The following IL1RAPL2 variants were observed in gnomAD, a reference collection of about 807,000 sequenced individuals.
The protein encoded by IL1RAPL2 is interleukin 1 receptor accessory protein like 2.
IL1RAPL2 carries 3 observed loss-of-function variants against 44.1 expected under a neutral mutation model. That is an observed-to-expected ratio of 0.07 (90% CI 0.03 to 0.18). The LOEUF (loss-of-function observed/expected upper bound fraction) is 0.18. Ranked by LOEUF, IL1RAPL2 falls within the 10% of genes least tolerant of loss-of-function variation. The pLI, the probability that IL1RAPL2 is intolerant of heterozygous loss-of-function variation, is 1.00. For missense variants in IL1RAPL2, 391 were observed against 496.4 expected (o/e 0.79, Z 2.02); for synonymous variants, 181 against 178.8 (o/e 1.01, Z -0.10).
chrX:105,229,788 TTTTG>T (rs782742727), intron 3 of IL1RAPL2, among the ~76,000 whole-genome samples: 5 of 110,892 alleles, frequency 4.5e-5, no homozygotes, highest in Non-Finnish European at 9.5e-5. Context: ...GAAGTAAATT[TTTTG>T]TTTGTTTGTT....
intron 5 of IL1RAPL2, among the ~76,000 whole-genome samples, chrX:105,285,773 A>G (rs2034566530): frequency 8.9e-6 from 1 of 112,129 alleles, no homozygotes; most frequent in Non-Finnish European, 1.9e-5. Flanking sequence ...TTTAATTGAA[A>G]TATTTAAGTC....
chrX:105,670,105 G>GCATATATATATATA (rs1255183400), intron 6 of IL1RAPL2, among the ~76,000 whole-genome samples: 2 of 11,684 alleles, frequency 1.7e-4, no homozygotes, highest in African/African-American at 2.3e-4. Context: ...TGGGTTTCCT[G>GCATATATATATATA]TATATATATA....
chrX:105,179,345 C>A (rs1237165864), intron 2 of IL1RAPL2, among the ~76,000 whole-genome samples: 1 of 111,956 alleles, frequency 8.9e-6, no homozygotes, highest in Non-Finnish European at 1.9e-5. Flanking sequence ...TTCCATTGGT[C>A]TGTGTGTCTA....
chrX:105,299,137 A>T (rs777994827), intron 5 of IL1RAPL2, among the ~76,000 whole-genome samples: 1 of 111,978 alleles, frequency 8.9e-6, no homozygotes, highest in South Asian at 3.8e-4. Context: ...AGATCTCTAA[A>T]AATATGTTAG....
rs183510571 is a variant in IL1RAPL2, at chrX:104,662,137, G to T, written c.82+3142G>T. On this transcript the variant is annotated intron_variant, in intron 2 of 10. Coordinates refer to ENST00000372582, the MANE Select transcript of IL1RAPL2 (RefSeq NM_017416.2). ...AGTTAGGTTTTTGGTTTTGGAGGTT[G>T]GTTTGTTTGTTTTAATCTACTCTGG... 2.7e-5 allele frequency among the ~76,000 whole-genome samples: 3 copies of T among 111,845 alleles called. No individual in the cohort carries two copies. In the Admixed American group the frequency reaches 2.9e-4, roughly 11 times the overall value.
chrX:105,437,413 A>C (rs1192143802), intron 5 of IL1RAPL2, among the ~76,000 whole-genome samples: 1 of 111,167 alleles, frequency 9.0e-6, no homozygotes, highest in African/African-American at 3.3e-5. Flanking sequence ...AGAGTTTCAA[A>C]ATAAATTGGA....
chrX:105,194,065 C>G (rs1162447142), intron 2 of IL1RAPL2, among the ~76,000 whole-genome samples: 1 of 111,698 alleles, frequency 9.0e-6, no homozygotes, highest in African/African-American at 3.3e-5. Flanking sequence ...AAAAGTATAC[C>G]TGTGCAAATA....
rs781792619 is a variant in IL1RAPL2 at position 105,195,452 on chromosome X, T to A, written c.83-23T>A. 16 of 1,204,335 alleles carry A rather than the reference T, an allele frequency of 1.3e-5. No homozygotes were observed. In the East Asian group the frequency reaches 4.7e-4, roughly 36 times the overall value. ...TGTCAACAATGCTCACTGTATCTTATACCTCTTCTGATTTTCTTTCAGTGG... is the reference window on the plus strand; with the variant it reads ...TGTCAACAATGCTCACTGTATCTTAAACCTCTTCTGATTTTCTTTCAGTGG... On this transcript the variant is annotated intron_variant, in intron 2 of 10. Transcript: ENST00000372582.
intron 5 of IL1RAPL2, among the ~76,000 whole-genome samples, chrX:105,296,565 A>G (rs1301689277): frequency 8.9e-6 from 1 of 112,534 alleles, no homozygotes; most frequent in Admixed American, 9.4e-5. Flanking sequence ...TTCATGACAC[A>G]GTTCTGTCTT....
At chrX:105,406,676 G>A in intron 5 of IL1RAPL2, 1 of 1,139,389 alleles carries the variant, frequency 8.8e-7, no homozygotes, top group South Asian at 1.8e-5. Flanking sequence ...CTGATCTCTG[G>A]ATCAGTACTT....
At chrX:105,584,476 A>C (rs2037112239) in intron 6 of IL1RAPL2, among the ~76,000 whole-genome samples, 1 of 109,434 alleles carries the variant, frequency 9.1e-6, no homozygotes, top group Admixed American at 9.7e-5. Flanking sequence ...TTTTATTTTT[A>C]AGCTTTATTT....
chrX:105,203,091 C>T (rs984419863), intron 3 of IL1RAPL2, among the ~76,000 whole-genome samples: 2 of 111,784 alleles, frequency 1.8e-5, no homozygotes, highest in African/African-American at 3.3e-5. Flanking sequence ...CTACATCTGC[C>T]CACCTACTGG....
chrX:104,856,560 T>A (rs1297816229), intron 2 of IL1RAPL2, among the ~76,000 whole-genome samples: 1 of 112,045 alleles, frequency 8.9e-6, no homozygotes, highest in Non-Finnish European at 1.9e-5. Flanking sequence ...GGTCTACATT[T>A]GTTGTGAATT....
rs757815144 is a variant in IL1RAPL2 at position 105,341,796 on chromosome X, G to A, written c.697+74255G>A. On this transcript the variant is annotated intron_variant, in intron 5 of 10. Coordinates refer to ENST00000372582, the MANE Select transcript of IL1RAPL2 (RefSeq NM_017416.2). Reference sequence around the variant, plus strand: ...AATACAAAAAATTAGCCGAGCATGGGGGCGGGAGCCTGTAATCCCAGCTAC... The same window carrying A: ...AATACAAAAAATTAGCCGAGCATGGAGGCGGGAGCCTGTAATCCCAGCTAC... 7.2e-5 allele frequency among the ~76,000 whole-genome samples: 8 copies of A among 110,393 alleles called. No homozygotes were observed. In the East Asian group the frequency reaches 2.3e-3, roughly 32 times the overall value.
intron 6 of IL1RAPL2, among the ~76,000 whole-genome samples, chrX:105,699,088 G>C (rs1413381257): frequency 1.8e-5 from 2 of 111,095 alleles, no homozygotes; most frequent in African/African-American, 6.5e-5. Flanking sequence ...TGTGATGTTT[G>C]TGGCATTTAT....
chrX:105,124,068 C>T (rs1231271886), intron 2 of IL1RAPL2, among the ~76,000 whole-genome samples: 2 of 110,997 alleles, frequency 1.8e-5, no homozygotes, highest in Non-Finnish European at 3.8e-5. Flanking sequence ...GTTTTTAAGG[C>T]ACAACCTTGA....
intron 5 of IL1RAPL2, among the ~76,000 whole-genome samples, chrX:105,451,004 AGATG>A (rs1384891150): frequency 9.2e-6 from 1 of 108,855 alleles, no homozygotes; most frequent in Non-Finnish European, 1.9e-5. Flanking sequence ...TCCCCCAGTG[AGATG>A]GATTAATTAA....
rs1356510578 is a variant in IL1RAPL2 at position 105,747,130 on chromosome X, G to T, written c.1049-1830G>T. On this transcript the variant is annotated intron_variant, in intron 8 of 10. Coordinates refer to ENST00000372582, the MANE Select transcript of IL1RAPL2 (RefSeq NM_017416.2). ...TAGGCAGAGGCAGAGGAAGGTAGTG[G>T]TTCCTGGAGAGCCACGTTTTACATA... Among the ~76,000 whole-genome samples the T allele has an allele frequency of 4.5e-5, 5 of 110,737 alleles. No homozygotes were observed. In the East Asian group the frequency reaches 1.4e-3, roughly 32 times the overall value.
intron 2 of IL1RAPL2, among the ~76,000 whole-genome samples, chrX:104,684,476 A>G (rs758872127): frequency 8.9e-6 from 1 of 111,978 alleles, no homozygotes; most frequent in African/African-American, 3.2e-5. Flanking sequence ...ACTGGTTCCA[A>G]TCTCCTCCTG....
Sources: gnomAD v4.1 joint callset for allele counts (sites outside exome capture counted in the v4.1 genomes callset) on GRCh38, gnomAD v4.1.1 for gene constraint, MANE v1.5 for transcripts, NCBI Gene and HGNC (gene_info 2026-07-23, HGNC 2026-07-21) for gene names.